Variants in DOCK2 observed in about 807,000 individuals in gnomAD.
DOCK2 encodes the protein dedicator of cytokinesis 2, also known as dedicator of cytokinesis protein 2.
Under a neutral mutation model 248.9 loss-of-function variants are expected in DOCK2, and 87 were observed. The observed-to-expected ratio is 0.35, with a 90% CI of 0.29 to 0.42. DOCK2 has a LOEUF of 0.42. DOCK2 is among the 10% of genes least tolerant of loss of function. The pLI is 1.00. For synonymous variants in DOCK2, 805 were observed against 821.6 expected (o/e 0.98, Z 0.35); for missense variants, 1,747 against 2,300.2 (o/e 0.76, Z 4.92).
At chr5:169,806,354 G>A (rs1314393704) in intron 26 of DOCK2, among the ~76,000 whole-genome samples, 1 of 149,972 alleles carries the variant, frequency 6.7e-6, no homozygotes, top group Non-Finnish European at 1.5e-5. Flanking sequence ...TCACTATATT[G>A]CCCAGGCTGG....
At chr5:170,003,004 C>G (rs1754892710) in intron 30 of DOCK2, among the ~76,000 whole-genome samples, 1 of 152,104 alleles carries the variant, frequency 6.6e-6, no homozygotes, top group Non-Finnish European at 1.5e-5. Context: ...TTCTCAGGAG[C>G]CCAGCTGTAT....
intron 27 of DOCK2, among the ~76,000 whole-genome samples, chr5:169,898,034 G>A (rs1011576656): frequency 6.6e-6 from 1 of 152,214 alleles, no homozygotes; most frequent in Non-Finnish European, 1.5e-5. Flanking sequence ...TAATTCGGCT[G>A]AGCAATTGTG....
chr5:170,080,357 A>G (rs886955468), intron 50 of DOCK2, 74 bp downstream of exon 50: 2 of 1,592,278 alleles, frequency 1.3e-6, no homozygotes, highest in East Asian at 2.2e-5. Context: ...TGGAGGATGG[A>G]TGGGAACTGT....
At chr5:169,882,530 A>G (rs1391211506) in intron 27 of DOCK2, 44 of 1,515,786 alleles carry the variant, frequency 2.9e-5, no homozygotes, top group Non-Finnish European at 3.9e-5. Flanking sequence ...GTCATTTTTA[A>G]TATGAAAAAA....
intron 38 of DOCK2, among the ~76,000 whole-genome samples, chr5:170,043,681 T>C (rs1013111792): frequency 1.3e-5 from 2 of 152,256 alleles, no homozygotes; most frequent in African/African-American, 4.8e-5. Context: ...ATAAGCCTCT[T>C]GAGGGCAGAG....
intron 27 of DOCK2, among the ~76,000 whole-genome samples, chr5:169,874,410 CA>C (rs34525811): frequency 0.33 from 23,806 of 71,400 alleles, 1,498 homozygotes; most frequent in African/African-American, 0.47. Flanking sequence ...GACTCTGTCT[CA>C]AAAAAAAAAA....
chr5:169,939,203 C>CTT (rs56040572), intron 27 of DOCK2, among the ~76,000 whole-genome samples: 70 of 143,722 alleles, frequency 4.9e-4, no homozygotes, highest in African/African-American at 8.7e-4. Context: ...TGTGCCCGGC[C>CTT]TTTTTTTTTT....
intron 27 of DOCK2, among the ~76,000 whole-genome samples, chr5:169,846,209 G>T (rs1396146915): frequency 6.6e-6 from 1 of 152,150 alleles, no homozygotes; most frequent in African/African-American, 2.4e-5. Context: ...AGGATGGCTG[G>T]TTGCAACTCT....
At chr5:169,873,108 G>T (rs1343046011) in intron 27 of DOCK2, among the ~76,000 whole-genome samples, 1 of 152,204 alleles carries the variant, frequency 6.6e-6, no homozygotes, top group South Asian at 2.1e-4. Flanking sequence ...TTTATGGCAT[G>T]TGTCAGCCTC....
intron 27 of DOCK2, among the ~76,000 whole-genome samples, chr5:169,967,496 G>A (rs1310452342): frequency 6.6e-6 from 1 of 152,142 alleles, no homozygotes; most frequent in Non-Finnish European, 1.5e-5. Context: ...AGTTTAAAGG[G>A]AAGAGTAGGA....
At position 169,695,791 on chromosome 5, in the gene DOCK2, C is replaced by A. The variant is rs769048920; in HGVS notation, c.844-12C>A. On this transcript the variant is annotated splice_polypyrimidine_tract_variant and intron_variant, in intron 9 of 51. Coordinates refer to ENST00000520908, the MANE Select transcript of DOCK2 (RefSeq NM_004946.3). ...GCACATGATGGTCAATTTTTTGTTT[C>A]TTTCCCCCCAGGATCTTGGAAACAA... 1 of 1,610,410 alleles carries A rather than the reference C, an allele frequency of 6.2e-7. No homozygotes were observed. Among genetic ancestry groups the A allele is most frequent in the Non-Finnish European group, 8.5e-7 (1 of 1,178,954 alleles).
intron 26 of DOCK2, among the ~76,000 whole-genome samples, chr5:169,819,631 A>G (rs1768293910): frequency 6.6e-6 from 1 of 152,154 alleles, no homozygotes; most frequent in Non-Finnish European, 1.5e-5. Context: ...GAAAAAAACA[A>G]AACAGATTGG....
intron 26 of DOCK2, among the ~76,000 whole-genome samples, chr5:169,803,434 G>A (rs941246571): frequency 6.6e-6 from 1 of 152,136 alleles, no homozygotes; most frequent in African/African-American, 2.4e-5. Flanking sequence ...TGTTGGCCAG[G>A]CTTTCTCAGA....
chr5:169,648,507 A>C (rs1271960549), intron 1 of DOCK2, among the ~76,000 whole-genome samples: 1 of 152,180 alleles, frequency 6.6e-6, no homozygotes, highest in Non-Finnish European at 1.5e-5. Flanking sequence ...AGAGGCCTAA[A>C]GCACCTGGCA....
chr5:170,078,275 G>T (rs1267092072), intron 48 of DOCK2, among the ~76,000 whole-genome samples: 1 of 152,152 alleles, frequency 6.6e-6, no homozygotes, highest in East Asian at 1.9e-4. Context: ...TCTGTCGGGG[G>T]TCTTCCCTCC....
intron 5 of DOCK2, among the ~76,000 whole-genome samples, chr5:169,673,549 C>G (rs1333500652): frequency 2.6e-5 from 4 of 152,058 alleles, no homozygotes; most frequent in Non-Finnish European, 4.4e-5. Context: ...GAGACAGGGT[C>G]TTGCTCTGTC....
chr5:169,681,862 C>A lies in DOCK2; in HGVS notation c.589C>A (p.Arg197Ser). 1 of 1,613,632 alleles carries A rather than the reference C, an allele frequency of 6.2e-7. No individual in the cohort carries two copies. The highest frequency in any genetic ancestry group is 1.3e-5 in the African/African-American group (1 of 75,022). ...HEEATDKITE[R>S]IKEEMSKDQP... Reference sequence around the variant, plus strand: ...GGAAGCAACTGATAAAATCACAGAGCGTATCAAAGAAGAAATGGTGAGCTT... The same window carrying A: ...GGAAGCAACTGATAAAATCACAGAGAGTATCAAAGAAGAAATGGTGAGCTT... The change falls in exon 7 of 52, where the codon CGT (arginine) becomes AGT (serine). Residue 197 changes from arginine (R) to serine (S), a missense_variant. Physicochemically the swap from Arg to Ser is moderately radical, Grantham distance 110 (BLOSUM62 -1). Transcript: ENST00000520908.
At chr5:169,697,540 A>G (rs903824814) in intron 10 of DOCK2, among the ~76,000 whole-genome samples, 3 of 152,184 alleles carry the variant, frequency 2.0e-5, no homozygotes, top group African/African-American at 7.2e-5. Context: ...CTTTGGAGCC[A>G]AAGGGAAATT....
chr5:169,697,816 T>C (rs1760721051), intron 10 of DOCK2, among the ~76,000 whole-genome samples: 1 of 152,174 alleles, frequency 6.6e-6, no homozygotes, highest in Non-Finnish European at 1.5e-5. Flanking sequence ...CATTCTAGTG[T>C]AGGAGTTCTT....
Sources: gnomAD v4.1 joint callset for allele counts (sites outside exome capture counted in the v4.1 genomes callset) on GRCh38, gnomAD v4.1.1 for gene constraint, MANE v1.5 for transcripts, NCBI Gene and HGNC (gene_info 2026-07-23, HGNC 2026-07-21) for gene names.